The following SYT15B variants were observed in gnomAD, a reference collection of about 807,000 sequenced individuals.
SYT15B encodes the protein synaptotagmin-15.
the SYT15B span, chr10:47,763,006 C>G: frequency 1.7e-6 from 2 of 1,160,642 alleles, no homozygotes; most frequent in South Asian, 2.1e-5. Flanking sequence ...CACCCCCATC[C>G]CGGAGAGCAG....
At chr10:47,749,939 C>G in the SYT15B span, among the ~76,000 whole-genome samples, 1 of 151,514 alleles carries the variant, frequency 6.6e-6, no homozygotes, top group Non-Finnish European at 1.5e-5. Context: ...GAAAAAAATA[C>G]CATTGTGAGT....
At chr10:47,746,152 G>A in the SYT15B span, among the ~76,000 whole-genome samples, 6 of 108,180 alleles carry the variant, frequency 5.5e-5, no homozygotes, top group African/African-American at 1.3e-4. Flanking sequence ...TCCGGAGTTC[G>A]AGACGAGCCT....
the SYT15B span, among the ~76,000 whole-genome samples, chr10:47,749,276 T>C: frequency 7.6e-6 from 1 of 131,860 alleles, no homozygotes; most frequent in Non-Finnish European, 1.6e-5. Flanking sequence ...CTGAGAAAAT[T>C]TGCTGCCAGC....
the SYT15B span, among the ~76,000 whole-genome samples, chr10:47,747,355 G>T: frequency 6.7e-6 from 1 of 149,356 alleles, no homozygotes; most frequent in African/African-American, 2.5e-5. Flanking sequence ...TATGCAGAAA[G>T]GCTATGAAAA....
At chr10:47,758,933 G>GCAGT in the SYT15B span, among the ~76,000 whole-genome samples, 1 of 30,398 alleles carries the variant, frequency 3.3e-5, no homozygotes. Context: ...CCTGGCCTCC[G>GCAGT]CAGTCACACT....
chr10:47,757,986 T>G, the SYT15B span: 4 of 1,562,436 alleles, frequency 2.6e-6, 1 homozygote, highest in South Asian at 4.8e-5. Flanking sequence ...AGGGTCTCAT[T>G]CTTCAAGGGG....
At chr10:47,761,937 G>A in the SYT15B span, among the ~76,000 whole-genome samples, 1 of 134,804 alleles carries the variant, frequency 7.4e-6, no homozygotes, top group African/African-American at 2.7e-5. Flanking sequence ...GCTTAAAGAA[G>A]CCATTTCCTT....
chr10:47,744,903 A>G, the SYT15B span, among the ~76,000 whole-genome samples: 1 of 152,002 alleles, frequency 6.6e-6, no homozygotes, highest in South Asian at 2.1e-4. Flanking sequence ...ACTTCTAGCT[A>G]TAAAAATAGG....
the SYT15B span, among the ~76,000 whole-genome samples, chr10:47,755,555 CT>C: frequency 0.013 from 1,047 of 82,504 alleles, 1 homozygote; most frequent in African/African-American, 0.047. Flanking sequence ...GTGCCCGGCC[CT>C]TTTTTTTTTT....
At chr10:47,762,009 T>C in the SYT15B span, among the ~76,000 whole-genome samples, 3 of 135,758 alleles carry the variant, frequency 2.2e-5, no homozygotes, top group African/African-American at 8.2e-5. Context: ...TGGGCTCCTG[T>C]TGAGGCCAGG....
chr10:47,755,552 G>GC, the SYT15B span, among the ~76,000 whole-genome samples: 2 of 121,436 alleles, frequency 1.6e-5, no homozygotes, highest in African/African-American at 3.0e-5. Context: ...ACCGTGCCCG[G>GC]CCCTTTTTTT....
the SYT15B span, among the ~76,000 whole-genome samples, chr10:47,756,609 G>C: frequency 6.6e-6 from 1 of 152,122 alleles, no homozygotes; most frequent in Non-Finnish European, 1.5e-5. Flanking sequence ...GAGGGTCAGA[G>C]TCACAGTGGA....
At chr10:47,755,350 G>C in the SYT15B span, among the ~76,000 whole-genome samples, 25 of 152,104 alleles carry the variant, frequency 1.6e-4, no homozygotes, top group Non-Finnish European at 2.9e-5. Context: ...CCGCCTCCCA[G>C]GCTCATGCCA....
the SYT15B span, among the ~76,000 whole-genome samples, chr10:47,746,708 G>T: frequency 1.4e-5 from 2 of 138,314 alleles, no homozygotes; most frequent in African/African-American, 5.2e-5. Flanking sequence ...GCCTACCCTA[G>T]CTCAGACCAC....
chr10:47,744,817 T>A, the SYT15B span, among the ~76,000 whole-genome samples: 1 of 151,954 alleles, frequency 6.6e-6, no homozygotes, highest in Non-Finnish European at 1.5e-5. Context: ...ATCTAGGGCA[T>A]GTTCTGTGAC....
the SYT15B span, among the ~76,000 whole-genome samples, chr10:47,746,800 C>A: frequency 2.0e-5 from 2 of 100,120 alleles, no homozygotes; most frequent in Non-Finnish European, 4.0e-5. Context: ...TGTTATGCAC[C>A]ATTATAGCAA....
the SYT15B span, chr10:47,763,202 G>A: frequency 1.0e-6 from 1 of 988,934 alleles, no homozygotes; most frequent in Non-Finnish European, 1.2e-6. Flanking sequence ...CGGGTCCCGG[G>A]CCCCAGCGCT....
chr10:47,745,350 T>C, the SYT15B span, among the ~76,000 whole-genome samples: 1 of 148,338 alleles, frequency 6.7e-6, no homozygotes, highest in South Asian at 2.2e-4. Context: ...AATGGAAGTC[T>C]GGGAATTATA....
At chr10:47,763,581 GATTATTAGA>G in the SYT15B span, 4 of 497,182 alleles carry the variant, frequency 8.0e-6, no homozygotes, top group Non-Finnish European at 1.0e-5. Flanking sequence ...TTATTATGGT[GATTATTAGA>G]ACGCAGGGCC....
Sources: gnomAD v4.1 joint callset for allele counts (sites outside exome capture counted in the v4.1 genomes callset) on GRCh38, gnomAD v4.1.1 for gene constraint, MANE v1.5 for transcripts, NCBI Gene and HGNC (gene_info 2026-07-23, HGNC 2026-07-21) for gene names.